The following STK33 variants were observed in gnomAD, a reference collection of about 807,000 sequenced individuals.
STK33 encodes the protein serine/threonine kinase 33.
Under a neutral mutation model 58.0 loss-of-function variants are expected in STK33, and 52 were observed. That is an observed-to-expected ratio of 0.90 (90% confidence interval 0.72 to 1.13). The LOEUF is 1.13. Among genes scored for constraint, STK33 ranks in the 50% most tolerant of loss-of-function variants. The pLI is 0.00. For missense variants in STK33, 630 were observed against 604.2 expected, an observed-to-expected ratio of 1.04 and a Z score of -0.45; for synonymous variants, 215 against 200.1, an observed-to-expected ratio of 1.07 and a Z score of -0.63.
At chr11:8,368,488 C>T in the STK33 span, among the ~76,000 whole-genome samples, 1 of 152,242 alleles carries the variant, frequency 6.6e-6, no homozygotes, top group African/African-American at 2.4e-5. Context: ...AGCCCAACAG[C>T]GCCAGAATGC....
chr11:8,476,073 T>C (rs1440350687), intron 4 of STK33, among the ~76,000 whole-genome samples: 1 of 152,218 alleles, frequency 6.6e-6, no homozygotes, highest in African/African-American at 2.4e-5. Flanking sequence ...TCATACGATT[T>C]TATAAAAGAT....
At chr11:8,455,796 GAGA>G (rs1946782740) in intron 9 of STK33, among the ~76,000 whole-genome samples, 1 of 111,242 alleles carries the variant, frequency 9.0e-6, no homozygotes, top group African/African-American at 3.4e-5. Context: ...GGGTAACAGA[GAGA>G]GACTCTGTCT....
At chr11:8,358,260 G>A in the STK33 span, among the ~76,000 whole-genome samples, 2 of 150,428 alleles carry the variant, frequency 1.3e-5, no homozygotes, top group African/African-American at 4.8e-5. Flanking sequence ...TGAGGACTGG[G>A]GGAGTCCCAG....
chr11:8,590,860 A>T (rs2032483396), intron 1 of STK33, among the ~76,000 whole-genome samples: 1 of 152,210 alleles, frequency 6.6e-6, no homozygotes, highest in African/African-American at 2.4e-5. Flanking sequence ...TCGCATCTTA[A>T]GGCATACCAA....
In STK33 at chr11:8,452,712, C is replaced by T. The variant is rs897650312; in HGVS notation, c.871+110G>A. The T allele has an allele frequency of 7.9e-6, 7 of 887,312 alleles. No homozygotes were observed. In the Admixed American group the frequency reaches 1.3e-4, roughly 17 times the overall value. 55.0% of individuals were successfully genotyped at this position (887,312 alleles called of 1,614,324 possible). ...CTGAGGTGGGGGGATGGCTTGAGCC[C>T]AGGAGGTCAAGGCTGCAGTGAGCCA... On this transcript the variant is annotated intron_variant, in intron 11 of 15. Coordinates refer to ENST00000687296, the MANE Select transcript of STK33 (RefSeq NM_001352389.2).
rs188675923 is a variant in STK33 at position 8,459,619 on chromosome 11, A to T, written c.559-2140T>A. On this transcript the variant is annotated intron_variant, in intron 8 of 15. Coordinates refer to ENST00000687296, the MANE Select transcript of STK33 (RefSeq NM_001352389.2). ...GGAAATACATGAGGCATTCCCCACGATTATTCTAGCTTGCTGTCTAGGGAG... is the reference window on the plus strand; with the variant it reads ...GGAAATACATGAGGCATTCCCCACGTTTATTCTAGCTTGCTGTCTAGGGAG... Among the ~76,000 whole-genome samples the T allele has an allele frequency of 2.0e-3, 309 of 152,240 alleles. 1 individual carries two copies. The highest frequency in any genetic ancestry group is 3.5e-3 in the Non-Finnish European group (235 of 68,016).
intron 6 of STK33, chr11:8,466,226 C>T (rs1948164329): frequency 6.6e-6 from 1 of 152,176 alleles, no homozygotes; most frequent in Non-Finnish European, 1.5e-5. Flanking sequence ...AACAGTCCCC[C>T]AAAGTCTCAA....
At position 8,474,750 on chromosome 11, in the gene STK33, T is replaced by G. The variant is rs779349616; in HGVS notation, c.156A>C (p.Glu52Asp). The change falls in exon 5 of 16, where the codon GAA becomes GAC. Residue 52 changes from glutamate (E) to aspartate (D), a missense_variant. Physicochemically the swap from Glu to Asp is conservative, Grantham distance 45 (BLOSUM62 2). Transcript: ENST00000687296. ...MSQTSSIGSA[E>D]SLISLERKKE... ...TTTTTCTCTCCAGTGAAATTAAAGA[T>G]TCTGCACTACCAATGCTTGATGTCT... 9 of 1,613,122 alleles carry G rather than the reference T, an allele frequency of 5.6e-6. No homozygotes were observed. Among genetic ancestry groups the G allele is most frequent in the Non-Finnish European group, 6.8e-6 (8 of 1,179,786 alleles).
intron 1 of STK33, among the ~76,000 whole-genome samples, chr11:8,544,314 A>AATATATATAT (rs1554991179): frequency 8.3e-5 from 12 of 144,920 alleles, no homozygotes; most frequent in Non-Finnish European, 1.8e-4. Flanking sequence ...ATATATATAA[A>AATATATATAT]ATATGTATAT....
At chr11:8,412,649 T>C (rs1940458223) in intron 15 of STK33, among the ~76,000 whole-genome samples, 3 of 152,210 alleles carry the variant, frequency 2.0e-5, no homozygotes, top group Non-Finnish European at 4.4e-5. Flanking sequence ...CAGAAACCAG[T>C]GACTCCTCAC....
intron 11 of STK33, among the ~76,000 whole-genome samples, chr11:8,448,611 A>G (rs1282567070): frequency 6.6e-6 from 1 of 152,204 alleles, no homozygotes; most frequent in Non-Finnish European, 1.5e-5. Context: ...TCCCTTCCTT[A>G]CACCTTATAT....
intron 1 of STK33, among the ~76,000 whole-genome samples, chr11:8,493,031 A>G (rs1183823994): frequency 3.9e-5 from 6 of 152,224 alleles, no homozygotes; most frequent in Non-Finnish European, 2.9e-5. Flanking sequence ...CATTACAATT[A>G]AAAGAACTAG....
At chr11:8,496,752 T>C (rs1951090641) in intron 1 of STK33, among the ~76,000 whole-genome samples, 1 of 151,974 alleles carries the variant, frequency 6.6e-6, no homozygotes, top group African/African-American at 2.4e-5. Flanking sequence ...TTTTTTATAT[T>C]TTTAGTAGAC....
chr11:8,350,986 G>A, the STK33 span, among the ~76,000 whole-genome samples: 1 of 152,122 alleles, frequency 6.6e-6, no homozygotes, highest in Non-Finnish European at 1.5e-5. Flanking sequence ...CTCCAGGTTG[G>A]AAACAAGGGG....
intron 1 of STK33, among the ~76,000 whole-genome samples, chr11:8,519,047 A>G (rs1274067553): frequency 6.6e-6 from 1 of 152,212 alleles, no homozygotes; most frequent in African/African-American, 2.4e-5. Flanking sequence ...CATTCTTCTC[A>G]GCACCACATC....
chr11:8,492,538 C>T (rs562956191), intron 1 of STK33, among the ~76,000 whole-genome samples: 13 of 152,212 alleles, frequency 8.5e-5, no homozygotes, highest in South Asian at 4.1e-4. Flanking sequence ...GACAGATCAA[C>T]GAGACAGAAA....
chr11:8,584,279 T>C (rs1464895362), intron 1 of STK33, among the ~76,000 whole-genome samples: 2 of 152,202 alleles, frequency 1.3e-5, no homozygotes, highest in Admixed American at 6.5e-5. Context: ...GGCCGGGTCC[T>C]TCAATGATTC....
chr11:8,423,572 G>A (rs12290384), intron 14 of STK33, among the ~76,000 whole-genome samples: 12,752 of 151,944 alleles, frequency 0.084, 1,301 homozygotes, highest in African/African-American at 0.23. Flanking sequence ...TTTTAACTGC[G>A]TATTATTAGA....
intron 7 of STK33, among the ~76,000 whole-genome samples, chr11:8,462,619 G>C (rs1427250832): frequency 6.6e-6 from 1 of 151,234 alleles, no homozygotes; most frequent in Non-Finnish European, 1.5e-5. Context: ...GACAAAGAGA[G>C]ACAGAGACAG....
Sources: gnomAD v4.1 joint callset for allele counts (sites outside exome capture counted in the v4.1 genomes callset) on GRCh38, gnomAD v4.1.1 for gene constraint, MANE v1.5 for transcripts, NCBI Gene and HGNC (gene_info 2026-07-23, HGNC 2026-07-21) for gene names.